Variants in IL1RAP observed in about 807,000 individuals in gnomAD.
IL1RAP encodes interleukin 1 receptor accessory protein.
Under a neutral mutation model 60.7 loss-of-function variants are expected in IL1RAP, and 35 were observed. The ratio of observed to expected loss-of-function variants is 0.58; its 90% CI spans 0.44 to 0.76. The LOEUF is 0.76. Among genes scored for constraint, IL1RAP ranks in the 30% least tolerant of loss-of-function variants. The pLI is 0.00. For synonymous variants in IL1RAP, 268 were observed against 250.9 expected (o/e 1.07, Z -0.64); for missense variants, 572 against 693.9 (o/e 0.82, Z 1.97).
In IL1RAP at chr3:190,649,951, C is replaced by T. The variant is rs1266321213; in HGVS notation, c.*1246C>T. The T allele has an allele frequency of 8.0e-5, 59 of 734,000 alleles. No individual in the cohort carries two copies. Among genetic ancestry groups the T allele is most frequent in the Non-Finnish European group, 9.1e-5 (55 of 601,108 alleles). The allele number at this position is 734,000 out of a possible 1,614,324, so 45.5% of individuals were successfully genotyped here. On this transcript the variant is annotated 3_prime_UTR_variant, in exon 12 of 12. Coordinates refer to ENST00000447382, the MANE Select transcript of IL1RAP (RefSeq NM_002182.4). Reference sequence around the variant, plus strand: ...TGTAGATTATACATATATATACACACGTGTATATGAGATATATATCTTATA... The same window carrying T: ...TGTAGATTATACATATATATACACATGTGTATATGAGATATATATCTTATA...
chr3:190,524,806 A>T (rs1201317492), intron 1 of IL1RAP, among the ~76,000 whole-genome samples: 1 of 152,196 alleles, frequency 6.6e-6, no homozygotes. Flanking sequence ...ATAGAACCGG[A>T]TAAGACAGTA....
intron 3 of IL1RAP, among the ~76,000 whole-genome samples, chr3:190,593,376 A>G (rs1729109526): frequency 6.6e-6 from 1 of 152,200 alleles, no homozygotes. Context: ...TTAGTCAGTG[A>G]ATGTGAATTT....
In IL1RAP at chr3:190,595,810, G is replaced by A. The variant is rs559056833; in HGVS notation, c.65-8318G>A. Among the ~76,000 whole-genome samples, 17 of 152,250 alleles carry A rather than the reference G, an allele frequency of 1.1e-4. No homozygotes were observed. The East Asian group carries it at 3.1e-3, about 28-fold the overall frequency. On this transcript the variant is annotated intron_variant, in intron 3 of 11. Coordinates refer to ENST00000447382, the MANE Select transcript of IL1RAP (RefSeq NM_002182.4). ...AAATGTAGCACAATATAATATAATA[G>A]CATTTAATATTATTATGCTTCTGTT...
intron 2 of IL1RAP, among the ~76,000 whole-genome samples, chr3:190,558,582 C>A (rs900384313): frequency 6.6e-6 from 1 of 152,108 alleles, no homozygotes; most frequent in African/African-American, 2.4e-5. Context: ...TTTTGCATAT[C>A]GTTTTGGTAA....
intron 3 of IL1RAP, among the ~76,000 whole-genome samples, chr3:190,578,445 A>T (rs1035842834): frequency 6.6e-6 from 1 of 152,190 alleles, no homozygotes; most frequent in Non-Finnish European, 1.5e-5. Context: ...ATATTCATGA[A>T]ATGACCTCAG....
At chr3:190,564,482 T>A in intron 3 of IL1RAP, 129 bp downstream of exon 3, 1 of 696,348 alleles carries the variant, frequency 1.4e-6, no homozygotes, top group South Asian at 1.6e-5. Context: ...CGGTAGCAAA[T>A]AATCATAAAG....
chr3:190,634,706 T>TG (rs1248266995), intron 9 of IL1RAP, among the ~76,000 whole-genome samples: 4 of 140,562 alleles, frequency 2.8e-5, no homozygotes, highest in Admixed American at 7.0e-5. Context: ...GGGCCTGTTG[T>TG]GTTTTTTTTT....
chr3:190,618,821 C>T (rs150935348), intron 5 of IL1RAP, among the ~76,000 whole-genome samples: 18 of 152,266 alleles, frequency 1.2e-4, no homozygotes, highest in Admixed American at 2.0e-4. Context: ...GAAAAAAATA[C>T]GTTACCCAAG....
At chr3:190,613,261 A>G (rs1381744972) in intron 5 of IL1RAP, among the ~76,000 whole-genome samples, 1 of 152,228 alleles carries the variant, frequency 6.6e-6, no homozygotes, top group Non-Finnish European at 1.5e-5. Flanking sequence ...GGTATGAAGT[A>G]ACAGAGGAGA....
intron 9 of IL1RAP, among the ~76,000 whole-genome samples, chr3:190,636,008 C>T (rs1038872001): frequency 1.3e-5 from 2 of 152,182 alleles, no homozygotes; most frequent in Non-Finnish European, 2.9e-5. Context: ...AGCTTTGCCA[C>T]AGTGCTGCAC....
At chr3:190,536,390 T>C (rs557580563) in intron 1 of IL1RAP, among the ~76,000 whole-genome samples, 89 of 152,324 alleles carry the variant, frequency 5.8e-4, no homozygotes, top group African/African-American at 1.7e-3. Context: ...TGTCTAGTAA[T>C]TGAGTTACCA....
intron 3 of IL1RAP, among the ~76,000 whole-genome samples, chr3:190,578,376 C>G (rs1727685445): frequency 6.6e-6 from 1 of 152,142 alleles, no homozygotes; most frequent in Non-Finnish European, 1.5e-5. Context: ...AGCCTTGGCT[C>G]TTTGTTTCTG....
At chr3:190,520,140 T>C (rs1721884989) in intron 1 of IL1RAP, among the ~76,000 whole-genome samples, 1 of 152,120 alleles carries the variant, frequency 6.6e-6, no homozygotes, top group African/African-American at 2.4e-5. Context: ...GCAATTGGGA[T>C]GGTAAAGGAT....
intron 2 of IL1RAP, among the ~76,000 whole-genome samples, chr3:190,556,542 A>G (rs1725445102): frequency 6.6e-6 from 1 of 152,206 alleles, no homozygotes; most frequent in African/African-American, 2.4e-5. Context: ...CTCCTGAGCC[A>G]CGATTTTCCA....
In IL1RAP at chr3:190,564,269, C is replaced by T. The variant is rs952723623; in HGVS notation, c.-1-20C>T. The T allele has an allele frequency of 1.2e-5, 18 of 1,552,442 alleles. No individual in the cohort carries two copies. Among genetic ancestry groups the T allele is most frequent in the Non-Finnish European group, 1.6e-5 (18 of 1,124,282 alleles). On this transcript the variant is annotated intron_variant, in intron 2 of 11. Coordinates refer to ENST00000447382, the MANE Select transcript of IL1RAP (RefSeq NM_002182.4). ...GAAAGTAGTAAGTGATTTCCCTTAC[C>T]TTTGTATTTATGGTTACAGGATGAC...
At position 190,570,073 on chromosome 3, in the gene IL1RAP, A is replaced by C. The variant is rs370401373; in HGVS notation, c.64+5720A>C. On this transcript the variant is annotated intron_variant, in intron 3 of 11. Transcript: ENST00000447382. ...TGTTTAACTGATTAACTTTTTAGAAAATAAAATATATACCCACCCAGGATA... is the reference window on the plus strand; with the variant it reads ...TGTTTAACTGATTAACTTTTTAGAACATAAAATATATACCCACCCAGGATA... 2.4e-3 allele frequency among the ~76,000 whole-genome samples: 371 copies of C among 152,320 alleles called. 5 individuals carry two copies. The highest frequency in any genetic ancestry group is 9.1e-3 in the South Asian group (44 of 4,822).
At chr3:190,532,756 C>T (rs1340570605) in intron 1 of IL1RAP, among the ~76,000 whole-genome samples, 1 of 151,910 alleles carries the variant, frequency 6.6e-6, no homozygotes, top group African/African-American at 2.4e-5. Flanking sequence ...GCACGTACAG[C>T]TGAACATCTT....
chr3:190,562,630 G>C (rs187336565), intron 2 of IL1RAP, among the ~76,000 whole-genome samples: 5 of 150,768 alleles, frequency 3.3e-5, no homozygotes, highest in African/African-American at 1.2e-4. Context: ...TTGAGGGGAC[G>C]GATATTCCAT....
At chr3:190,635,359 T>A (rs1020962834) in intron 9 of IL1RAP, among the ~76,000 whole-genome samples, 1 of 152,142 alleles carries the variant, frequency 6.6e-6, no homozygotes, top group Admixed American at 6.5e-5. Flanking sequence ...TTTATTTACT[T>A]TATTCATATA....
Sources: gnomAD v4.1 joint callset for allele counts (sites outside exome capture counted in the v4.1 genomes callset) on GRCh38, gnomAD v4.1.1 for gene constraint, MANE v1.5 for transcripts, NCBI Gene and HGNC (gene_info 2026-07-23, HGNC 2026-07-21) for gene names.